Variants in ATP7A observed in about 807,000 individuals in gnomAD.
ATP7A encodes ATPase copper transporting alpha, also known as copper-transporting ATPase 1.
In ATP7A, 7 loss-of-function variants were observed where a neutral mutation model predicts 83.5. The ratio of observed to expected loss-of-function variants is 0.08; its 90% CI spans 0.05 to 0.16. ATP7A has a LOEUF of 0.16. ATP7A is among the 10% of genes least tolerant of loss of function. The probability of loss-of-function intolerance (pLI) is 1.00; values close to 1 mark genes in which losing one functional copy is unlikely to be tolerated. For synonymous variants in ATP7A, 354 were observed against 395.2 expected, an observed-to-expected ratio of 0.90 and a Z score of 1.24; for missense variants, 940 against 1,120.8, an observed-to-expected ratio of 0.84 and a Z score of 2.30.
intron 1 of ATP7A, among the ~76,000 whole-genome samples, chrX:77,932,917 G>A (rs949333865): frequency 2.8e-5 from 3 of 108,280 alleles, no homozygotes; most frequent in East Asian, 2.8e-4. Context: ...GAGGGGGACC[G>A]TGGGGAGAGG....
chrX:78,017,611 A>G (rs1177319130), intron 12 of ATP7A, among the ~76,000 whole-genome samples: 1 of 110,931 alleles, frequency 9.0e-6, no homozygotes, highest in Non-Finnish European at 1.9e-5. Context: ...AACACATAAA[A>G]CTGAATGCTT....
chrX:77,949,519 G>A, intron 1 of ATP7A, among the ~76,000 whole-genome samples: 1 of 111,731 alleles, frequency 9.0e-6, no homozygotes, highest in Non-Finnish European at 1.9e-5. Flanking sequence ...TTTAATCAAC[G>A]TACATAATAT....
intron 1 of ATP7A, chrX:77,962,496 C>T: frequency 4.2e-6 from 1 of 240,660 alleles, no homozygotes; most frequent in Non-Finnish European, 7.8e-6. Flanking sequence ...TTGTCCAATT[C>T]TTTGTTTAAG....
At position 78,011,222 on chromosome X, in the gene ATP7A, G is replaced by A; in HGVS notation, c.1916G>A (p.Ser639Asn). 1 of 1,210,538 alleles carries A rather than the reference G, an allele frequency of 8.3e-7. No homozygotes were observed. The highest frequency in any genetic ancestry group is 1.1e-6 in the Non-Finnish European group (1 of 894,575). Residue 639 changes from serine to asparagine, a missense_variant, in exon 8 of 23, where the codon AGT becomes AAT. By Grantham distance (46) the Ser-to-Asn change is conservative. This residue lies in a region of ATP7A where 204 missense variants were observed against 185.8 expected (regional missense o/e 1.10). Coordinates refer to ENST00000341514, the MANE Select transcript of ATP7A (RefSeq NM_000052.7). ...TTGGTCAAGAAGGATCGGTCAGCAA[G>A]TCACTTAGATCATAAACGAGAAATA... ...ASLVKKDRSA[S>N]HLDHKREIRQ...
At position 78,020,333 on chromosome X, in the gene ATP7A, C is replaced by T. The variant is rs781842416; in HGVS notation, c.2716C>T (p.His906Tyr). The T allele has an allele frequency of 6.6e-6, 8 of 1,211,424 alleles. No homozygotes were observed. The South Asian group carries it at 1.2e-4, about 19-fold the overall frequency. The change falls in exon 13 of 23, where the codon CAT (histidine) becomes TAT (tyrosine). Residue 906 changes from histidine (H) to tyrosine (Y), a missense_variant. Coordinates refer to ENST00000341514, the MANE Select transcript of ATP7A (RefSeq NM_000052.7). ...QNGSLLICAT[H>Y]VGADTTLSQI... ...CGGGTCACTGCTTATCTGCGCAACA[C>T]ATGTTGGAGCAGACACAACCCTTTC...
chrX:77,946,277 G>A (rs2077378396), intron 1 of ATP7A, among the ~76,000 whole-genome samples: 1 of 105,430 alleles, frequency 9.5e-6, no homozygotes, highest in Non-Finnish European at 1.9e-5. Context: ...TCCAGCCTGG[G>A]TGACAGGGCG....
chrX:77,998,326 G>A (rs1270775731), intron 4 of ATP7A, 152 bp from the exon 5 acceptor site: 2 of 542,210 alleles, frequency 3.7e-6, no homozygotes, highest in Non-Finnish European at 6.3e-6. Context: ...GGAGGAAAGT[G>A]TAGAGATAAC....
At chrX:77,944,215 A>G (rs2077366042) in intron 1 of ATP7A, among the ~76,000 whole-genome samples, 1 of 112,587 alleles carries the variant, frequency 8.9e-6, no homozygotes, top group Non-Finnish European at 1.9e-5. Context: ...TAACAACTAC[A>G]TTATATGTCA....
intron 1 of ATP7A, among the ~76,000 whole-genome samples, chrX:77,965,147 A>T (rs1230457125): frequency 4.5e-5 from 5 of 111,264 alleles, no homozygotes; most frequent in Non-Finnish European, 9.4e-5. Flanking sequence ...TTTTTCTTAC[A>T]TGTCCTGAAA....
At chrX:77,981,353 C>A (rs1344585078) in intron 2 of ATP7A, among the ~76,000 whole-genome samples, 1 of 111,741 alleles carries the variant, frequency 8.9e-6, no homozygotes, top group East Asian at 2.8e-4. Context: ...TAGCTGAACT[C>A]TATTCTGAGG....
intron 1 of ATP7A, among the ~76,000 whole-genome samples, chrX:77,935,078 G>A (rs868921985): frequency 4.5e-5 from 5 of 110,486 alleles, no homozygotes; most frequent in Middle Eastern, 4.6e-3. Flanking sequence ...TCCCAAATGC[G>A]GGATTACAGG....
At chrX:77,931,516 A>G (rs1343577337) in intron 1 of ATP7A, among the ~76,000 whole-genome samples, 1 of 112,445 alleles carries the variant, frequency 8.9e-6, no homozygotes, top group African/African-American at 3.2e-5. Context: ...CCCGTTCTCA[A>G]TGAGCTGTTG....
chrX:78,029,557 C>T, intron 15 of ATP7A, 113 bp downstream of exon 15: 1 of 772,325 alleles, frequency 1.3e-6, no homozygotes, highest in Non-Finnish European at 1.9e-6. Flanking sequence ...AGCTGAGCTG[C>T]TTCTAGGACT....
chrX:78,013,975 A>G (rs1557234845), intron 10 of ATP7A, among the ~76,000 whole-genome samples: 3 of 111,349 alleles, frequency 2.7e-5, no homozygotes, highest in African/African-American at 9.8e-5. Context: ...ACATTTTTTC[A>G]TCATCGGATG....
In ATP7A at chrX:78,046,561, T is replaced by C; in HGVS notation, c.4494T>C (p.Thr1498=). ...LVGDFREDDD[T]AL ...GAGACTTCAGGGAAGATGATGACAC[T>C]GCATTATAAAAGGCCATGGAGAGTG... The change falls in exon 23 of 23, where the codon ACT becomes ACC. Residue 1498 remains threonine (T), a synonymous_variant. Transcript: ENST00000341514. 1 of 1,211,800 alleles carries C rather than the reference T, an allele frequency of 8.3e-7. No homozygotes were observed.
intron 1 of ATP7A, among the ~76,000 whole-genome samples, chrX:77,917,061 A>G (rs1187287645): frequency 8.9e-6 from 1 of 111,899 alleles, no homozygotes; most frequent in Non-Finnish European, 1.9e-5. Flanking sequence ...AACAGAGCAG[A>G]TATGGTCCTG....
Position 77,963,169 on chromosome X carries a change from A to C in ATP7A, c.-21-8452A>C, listed in dbSNP as rs782458414. Reference sequence around the variant, plus strand: ...ATTTTATCAGTAGATAGTTAATATTAATTGTGCCACAGTGCTACCAGTAGC... The same window carrying C: ...ATTTTATCAGTAGATAGTTAATATTCATTGTGCCACAGTGCTACCAGTAGC... On this transcript the variant is annotated intron_variant, in intron 1 of 22. Coordinates refer to ENST00000341514, the MANE Select transcript of ATP7A (RefSeq NM_000052.7). 3.7e-5 allele frequency: 5 copies of C among 135,668 alleles called. No individual in the cohort carries two copies. The South Asian group carries it at 1.1e-3, about 29-fold the overall frequency. The allele number at this position is 135,668 out of a possible 1,213,427, so 11.2% of individuals were successfully genotyped here.
At position 77,989,594 on chromosome X, in the gene ATP7A, C is replaced by G. The variant is rs1002928416; in HGVS notation, c.972C>G (p.Ser324Arg). The G allele has an allele frequency of 8.3e-7, 1 of 1,211,710 alleles. No individual in the cohort carries two copies. Among genetic ancestry groups the G allele is most frequent in the Non-Finnish European group, 1.1e-6 (1 of 895,460 alleles). The change falls in exon 4 of 23, where the codon AGC becomes AGG. Residue 324 changes from serine to arginine, a missense_variant. By Grantham distance (110) the Ser-to-Arg change is moderately radical. Coordinates refer to ENST00000341514, the MANE Select transcript of ATP7A (RefSeq NM_000052.7). ...NRSAIVKYNA[S>R]SVTPESLRKA... is the part of the protein sequence containing the mutation. ...CTGCCATTGTGAAGTATAATGCAAG[C>G]TCAGTCACTCCAGAATCCCTGAGAA...
At chrX:77,991,663 C>T (rs1557232088) in intron 4 of ATP7A, among the ~76,000 whole-genome samples, 1 of 111,022 alleles carries the variant, frequency 9.0e-6, no homozygotes, top group Non-Finnish European at 1.9e-5. Flanking sequence ...AGTAGCTGTT[C>T]CATTTTACAT....
Sources: gnomAD v4.1 joint callset for allele counts (sites outside exome capture counted in the v4.1 genomes callset) on GRCh38, gnomAD v4.1.1 for gene constraint, gnomAD v4.1.1 regional missense constraint, MANE v1.5 for transcripts, NCBI Gene and HGNC (gene_info 2026-07-23, HGNC 2026-07-21) for gene names.